Variants in VPS26A observed in about 807,000 individuals in gnomAD.
The protein encoded by VPS26A is vacuolar protein sorting-associated protein 26A.
VPS26A carries 22 observed loss-of-function variants against 42.4 expected under a neutral mutation model. The observed-to-expected ratio is 0.52, with a 90% CI of 0.37 to 0.74. VPS26A has a LOEUF of 0.74. Ranked by LOEUF, VPS26A falls within the 30% of genes least tolerant of loss-of-function variation. The pLI, the probability that VPS26A is intolerant of heterozygous loss-of-function variation, is 0.00. For synonymous variants in VPS26A, 110 were observed against 123.5 expected, an observed-to-expected ratio of 0.89 and a Z score of 0.73; for missense variants, 276 against 379.2, an observed-to-expected ratio of 0.73 and a Z score of 2.26.
rs192603050 is a variant in VPS26A at position 69,168,341 on chromosome 10, T to G, written c.728-148T>G. On this transcript the variant is annotated intron_variant, in intron 7 of 8. Transcript: ENST00000263559. ...AGAATTATTCAGCCCAAAATATCAG[T>G]ACTACTGAGGATGAACCCTGGTCTT... The G allele has an allele frequency of 1.1e-4, 98 of 871,246 alleles. No homozygotes were observed. In the African/African-American group the frequency reaches 1.1e-3, roughly 10 times the overall value. 54.0% of individuals were successfully genotyped at this position (871,246 alleles called of 1,614,324 possible).
chr10:69,136,835 A>G (rs1459340535), intron 2 of VPS26A, among the ~76,000 whole-genome samples: 1 of 151,854 alleles, frequency 6.6e-6, no homozygotes, highest in Non-Finnish European at 1.5e-5. Context: ...TCTGTTGCCC[A>G]GGCTGGAGTG....
intron 1 of VPS26A, among the ~76,000 whole-genome samples, chr10:69,129,515 G>T (rs546005138): frequency 6.6e-6 from 1 of 151,594 alleles, no homozygotes; most frequent in African/African-American, 2.4e-5. Context: ...TTGTAATTTT[G>T]CCAGAAAAGA....
At chr10:69,147,260 T>A (rs1841181611) in intron 2 of VPS26A, among the ~76,000 whole-genome samples, 1 of 152,118 alleles carries the variant, frequency 6.6e-6, no homozygotes, top group Admixed American at 6.6e-5. Flanking sequence ...TTTAATTGGG[T>A]TATTTTTCTT....
intron 2 of VPS26A, among the ~76,000 whole-genome samples, chr10:69,146,023 T>C (rs1841153120): frequency 6.6e-6 from 1 of 152,196 alleles, no homozygotes; most frequent in South Asian, 2.1e-4. Flanking sequence ...CCTAGCATAA[T>C]GTTTTCAAGG....
At chr10:69,151,282 A>AAAAAAAAAAAAAAAAAAC (rs71035063) in intron 2 of VPS26A, among the ~76,000 whole-genome samples, 15 of 136,828 alleles carry the variant, frequency 1.1e-4, no homozygotes, top group African/African-American at 5.0e-4. Context: ...AAAAAAAAAA[A>AAAAAAAAAAAAAAAAAAC]ACACACACAC....
chr10:69,170,601 T>C (rs1487318482), intron 8 of VPS26A, among the ~76,000 whole-genome samples: 2 of 152,086 alleles, frequency 1.3e-5, no homozygotes, highest in Admixed American at 1.3e-4. Flanking sequence ...AGAGAGTAAC[T>C]CCATTTGGCC....
intron 2 of VPS26A, among the ~76,000 whole-genome samples, chr10:69,139,505 T>C (rs1840994152): frequency 6.6e-6 from 1 of 152,128 alleles, no homozygotes; most frequent in African/African-American, 2.4e-5. Context: ...GGTTTCACCA[T>C]ATTGGCCAGG....
chr10:69,149,009 G>C (rs1841228247), intron 2 of VPS26A, among the ~76,000 whole-genome samples: 1 of 152,100 alleles, frequency 6.6e-6, no homozygotes, highest in Non-Finnish European at 1.5e-5. Context: ...GCCTGCCTCA[G>C]CCTCCCAAAG....
chr10:69,167,858 GT>G (rs1226261209), intron 7 of VPS26A, among the ~76,000 whole-genome samples: 6 of 151,742 alleles, frequency 4.0e-5, no homozygotes, highest in Non-Finnish European at 8.8e-5. Flanking sequence ...CATTCTGTCC[GT>G]TTTTAGCTTT....
intron 1 of VPS26A, among the ~76,000 whole-genome samples, chr10:69,125,320 G>T (rs938161762): frequency 1.8e-5 from 2 of 113,680 alleles, no homozygotes; most frequent in Non-Finnish European, 4.6e-5. Context: ...TTCATTCTTA[G>T]AGCTTTTTTT....
chr10:69,136,481 A>C (rs181358586), intron 2 of VPS26A, among the ~76,000 whole-genome samples: 152 of 152,072 alleles, frequency 1.0e-3, no homozygotes, highest in African/African-American at 3.4e-3. Context: ...ATGTTGGGTC[A>C]GGCTGGTCTC....
Position 69,156,982 on chromosome 10 carries a change from C to CTTTTTTTTTTA in VPS26A, c.230-20_230-19insTTTTTATTTTT, listed in dbSNP as rs756249633. ...TTGAAATGGCTATTAAATAATTGGT[C>CTTTTTTTTTTA]TTTTTGCCTTTTAAAATTTCTCAGA... On this transcript the variant is annotated intron_variant, in intron 3 of 8. Transcript: ENST00000263559. 3.8e-6 allele frequency: 6 copies of CTTTTTTTTTTA among 1,562,216 alleles called. No homozygotes were observed. In the African/African-American group the frequency reaches 8.2e-5, roughly 21 times the overall value.
chr10:69,127,568 C>T (rs1474946278), intron 1 of VPS26A, among the ~76,000 whole-genome samples: 1 of 151,400 alleles, frequency 6.6e-6, no homozygotes. Flanking sequence ...AAAAAAAAAC[C>T]TGAATGTTAA....
chr10:69,127,727 C>CTTTTTTT (rs572346560), intron 1 of VPS26A, among the ~76,000 whole-genome samples: 3 of 85,064 alleles, frequency 3.5e-5, no homozygotes, highest in African/African-American at 9.6e-5. Context: ...TTAAAAATAT[C>CTTTTTTT]TTTTTTTTTT....
chr10:69,159,622 A>G (rs1841508150), intron 5 of VPS26A, among the ~76,000 whole-genome samples: 1 of 152,148 alleles, frequency 6.6e-6, no homozygotes, highest in Non-Finnish European at 1.5e-5. Flanking sequence ...TCTTATTTAA[A>G]TGTTATATGA....
chr10:69,146,054 A>G (rs990179259), intron 2 of VPS26A, among the ~76,000 whole-genome samples: 5 of 152,022 alleles, frequency 3.3e-5, no homozygotes, highest in Non-Finnish European at 7.4e-5. Flanking sequence ...TGTAGTATGT[A>G]CCCATACTTC....
chr10:69,159,235 G>T (rs1841498952), intron 5 of VPS26A, among the ~76,000 whole-genome samples: 1 of 152,080 alleles, frequency 6.6e-6, no homozygotes, highest in Non-Finnish European at 1.5e-5. Flanking sequence ...ACAAAAATTA[G>T]ATGGGTGTGG....
intron 7 of VPS26A, 87 bp from the exon 8 acceptor site, chr10:69,168,402 G>A (rs1256743126): frequency 1.5e-6 from 2 of 1,377,700 alleles, no homozygotes; most frequent in Admixed American, 4.3e-5. Flanking sequence ...TGAAGCATTA[G>A]TGTCAACTCT....
intron 2 of VPS26A, among the ~76,000 whole-genome samples, chr10:69,151,493 A>G (rs1288556852): frequency 6.6e-6 from 1 of 151,092 alleles, no homozygotes; most frequent in African/African-American, 2.4e-5. Flanking sequence ...CCAGCTCACC[A>G]GCATAGTTAG....
Sources: gnomAD v4.1 joint callset for allele counts (sites outside exome capture counted in the v4.1 genomes callset) on GRCh38, gnomAD v4.1.1 for gene constraint, MANE v1.5 for transcripts, NCBI Gene and HGNC (gene_info 2026-07-23, HGNC 2026-07-21) for gene names.